AAK1: variants seen among roughly 807,000 people sequenced by gnomAD.
The protein encoded by AAK1 is AP2-associated protein kinase 1.
In AAK1, 37 loss-of-function variants were observed where a neutral mutation model predicts 116.0. The observed-to-expected ratio is 0.32, with a 90% CI of 0.25 to 0.42. AAK1 has a LOEUF of 0.42. AAK1 is among the 10% of genes least tolerant of loss of function. The pLI, the probability that AAK1 is intolerant of heterozygous loss-of-function variation, is 1.00. For synonymous variants in AAK1, 458 were observed against 439.9 expected, an observed-to-expected ratio of 1.04 and a Z score of -0.51; for missense variants, 919 against 1,170.6, an observed-to-expected ratio of 0.79 and a Z score of 3.14.
At chr2:69,622,377 G>A (rs1309573922) in intron 2 of AAK1, among the ~76,000 whole-genome samples, 4 of 151,518 alleles carry the variant, frequency 2.6e-5, no homozygotes, top group Admixed American at 2.6e-4. Flanking sequence ...GCCACCCCCT[G>A]CTCCACAGCG....
intron 17 of AAK1, among the ~76,000 whole-genome samples, chr2:69,490,923 C>CCACACACATACA (rs1553409416): frequency 5.3e-4 from 78 of 147,732 alleles, no homozygotes; most frequent in African/African-American, 1.8e-3. Flanking sequence ...GTGTGTGTAC[C>CCACACACATACA]CACACACACA....
At chr2:69,576,239 T>C (rs866034761) in intron 2 of AAK1, among the ~76,000 whole-genome samples, 70 of 152,276 alleles carry the variant, frequency 4.6e-4, no homozygotes, top group African/African-American at 1.6e-3. Flanking sequence ...CAATATACAA[T>C]GATTGACAAC....
chr2:69,516,646 G>C (rs1379670923), intron 12 of AAK1: 1 of 152,150 alleles, frequency 6.6e-6, no homozygotes, highest in Admixed American at 6.6e-5. Flanking sequence ...AAGACCACTG[G>C]AGTTACATTC....
intron 17 of AAK1, among the ~76,000 whole-genome samples, chr2:69,495,744 T>A (rs536254588): frequency 4.6e-5 from 7 of 152,256 alleles, no homozygotes; most frequent in Admixed American, 1.3e-4. Context: ...AAACTGAACA[T>A]TGATATAATA....
intron 2 of AAK1, among the ~76,000 whole-genome samples, chr2:69,627,021 C>T (rs1432464761): frequency 6.6e-6 from 1 of 152,004 alleles, no homozygotes; most frequent in African/African-American, 2.4e-5. Context: ...GGCATGGTGG[C>T]TCACAATTAT....
At chr2:69,495,889 A>T in intron 17 of AAK1, 96 bp downstream of exon 17, 1 of 980,312 alleles carries the variant, frequency 1.0e-6, no homozygotes, top group Non-Finnish European at 1.5e-6. Flanking sequence ...CTTGGAATTC[A>T]GATCCTTTTC....
chr2:69,507,298 G>C, intron 15 of AAK1, 123 bp downstream of exon 15: 1 of 1,210,628 alleles, frequency 8.3e-7, no homozygotes, highest in Non-Finnish European at 1.1e-6. Flanking sequence ...CTTATGCAAA[G>C]GCCCAAGCCT....
chr2:69,536,655 T>C (rs1670487074), intron 5 of AAK1, among the ~76,000 whole-genome samples: 1 of 152,220 alleles, frequency 6.6e-6, no homozygotes, highest in Non-Finnish European at 1.5e-5. Flanking sequence ...CCCCATTTCC[T>C]AGCCTCTCAG....
chr2:69,598,496 G>T (rs57763265), intron 2 of AAK1: 18,685 of 175,426 alleles, frequency 0.11, 2,431 homozygotes, highest in African/African-American at 0.3. Context: ...TACTCCAGAA[G>T]ACACAAACGT....
chr2:69,629,713 A>C (rs975524151), intron 2 of AAK1, among the ~76,000 whole-genome samples: 1 of 152,168 alleles, frequency 6.6e-6, no homozygotes, highest in Non-Finnish European at 1.5e-5. Context: ...ATTTACTGTA[A>C]TATTCATCCA....
chr2:69,612,678 G>A (rs1674140274), intron 2 of AAK1, among the ~76,000 whole-genome samples: 1 of 152,166 alleles, frequency 6.6e-6, no homozygotes, highest in Non-Finnish European at 1.5e-5. Flanking sequence ...TGCTGTATAA[G>A]TTTTACCAAG....
chr2:69,473,670 T>C lies in AAK1; in HGVS notation c.*2199A>G. The C allele has an allele frequency of 2.1e-6, 2 of 969,760 alleles. No homozygotes were observed. The highest frequency in any genetic ancestry group is 2.5e-6 in the Non-Finnish European group (2 of 815,342). 60.1% of individuals were successfully genotyped at this position (969,760 alleles called of 1,614,324 possible). ...TTAGAGATACCTAATTTCTAAACTGTACTCTTCATAGTTTCAATTAAATTG... is the reference window on the plus strand; with the variant it reads ...TTAGAGATACCTAATTTCTAAACTGCACTCTTCATAGTTTCAATTAAATTG... On this transcript the variant is annotated 3_prime_UTR_variant, in exon 22 of 22. Coordinates refer to ENST00000409085, the MANE Select transcript of AAK1 (RefSeq NM_014911.5).
At chr2:69,529,431 A>G (rs1014213796) in intron 8 of AAK1, among the ~76,000 whole-genome samples, 2 of 152,002 alleles carry the variant, frequency 1.3e-5, no homozygotes, top group African/African-American at 4.8e-5. Context: ...TACTTATTCT[A>G]CCATCTGGTT....
In AAK1 at chr2:69,475,671, G is replaced by A; in HGVS notation, c.*198C>T. 7.3e-7 allele frequency: 1 copy of A among 1,378,936 alleles called. No individual in the cohort carries two copies. Among genetic ancestry groups the A allele is most frequent in the Non-Finnish European group, 9.4e-7 (1 of 1,066,350 alleles). 85.4% of individuals were successfully genotyped at this position (1,378,936 alleles called of 1,614,324 possible). On this transcript the variant is annotated 3_prime_UTR_variant, in exon 22 of 22. Transcript: ENST00000409085. The stretch of plus-strand genomic sequence containing the variant: ...ACAGCAAACTAACAAGGAGGAACTG[G>A]CCAAGGAATATCTGGAGGGCCAAAG...
rs1674666282 is a variant in AAK1 at position 69,471,222 on chromosome 2, G to GC, written c.*4646dup. 1 of 985,268 alleles carries GC rather than the reference G, an allele frequency of 1.0e-6. No homozygotes were observed. The highest frequency in any genetic ancestry group is 1.7e-5 in the African/African-American group (1 of 57,214). The allele number at this position is 985,268 out of a possible 1,614,324, so 61.0% of individuals were successfully genotyped here. A position where few individuals can be genotyped will look rare whatever the true frequency, so the allele number is the denominator to read the frequency against. On this transcript the variant is annotated 3_prime_UTR_variant, in exon 22 of 22. Coordinates refer to ENST00000409085, the MANE Select transcript of AAK1 (RefSeq NM_014911.5). Reference sequence around the variant, plus strand: ...AACCAAGAACGTGTCTTTAATTCTAGCAACTACCACCATTTGGTAACTTCT... The same window carrying GC: ...AACCAAGAACGTGTCTTTAATTCTAGCCAACTACCACCATTTGGTAACTTCT...
At chr2:69,636,556 C>T (rs1675454828) in intron 2 of AAK1, among the ~76,000 whole-genome samples, 1 of 152,152 alleles carries the variant, frequency 6.6e-6, no homozygotes, top group Admixed American at 6.5e-5. Flanking sequence ...CTGCTCTAGA[C>T]CAACACTGCC....
At chr2:69,570,446 T>C (rs1489300767) in intron 2 of AAK1, among the ~76,000 whole-genome samples, 12 of 152,062 alleles carry the variant, frequency 7.9e-5, no homozygotes, top group Admixed American at 7.2e-4. Flanking sequence ...GTGATTATCT[T>C]GGATGTGTTA....
intron 13 of AAK1, among the ~76,000 whole-genome samples, chr2:69,509,849 G>A (rs959830980): frequency 1.3e-5 from 2 of 152,152 alleles, no homozygotes; most frequent in Admixed American, 1.3e-4. Flanking sequence ...CATTCAGAAT[G>A]CTTTCAAAGG....
At chr2:69,603,452 C>T (rs752523076) in intron 2 of AAK1, among the ~76,000 whole-genome samples, 13 of 152,076 alleles carry the variant, frequency 8.5e-5, no homozygotes, top group Non-Finnish European at 1.8e-4. Flanking sequence ...ACAAAGCATA[C>T]CACTGATAAA....
Sources: allele counts gnomAD v4.1 joint callset (sites outside exome capture counted in the v4.1 genomes callset), GRCh38; gene constraint gnomAD v4.1.1; transcripts MANE v1.5; gene names NCBI Gene and HGNC (gene_info 2026-07-23, HGNC 2026-07-21).